The following WWOX variants were observed in gnomAD, a reference collection of about 807,000 sequenced individuals.
WWOX encodes the protein WW domain containing oxidoreductase.
In WWOX, 69 loss-of-function variants were observed where a neutral mutation model predicts 46.2. The ratio of observed to expected loss-of-function variants is 1.49; its 90% confidence interval spans 1.23 to 1.82. The LOEUF (loss-of-function observed/expected upper bound fraction) is 1.82, where lower values mean the gene tolerates loss of function less well. WWOX is among the 40% of genes most tolerant of loss of function. WWOX has a pLI of 0.00. For missense variants in WWOX, 919 were observed against 542.6 expected (o/e 1.69, Z -6.89); for synonymous variants, 359 against 202.6 (o/e 1.77, Z -6.56).
At chr16:78,902,511 G>C (rs1309730256) in intron 8 of WWOX, among the ~76,000 whole-genome samples, 3 of 152,238 alleles carry the variant, frequency 2.0e-5, no homozygotes, top group South Asian at 2.1e-4. Flanking sequence ...CATCTTGTTA[G>C]ACTGCGGCTT....
intron 8 of WWOX, among the ~76,000 whole-genome samples, chr16:78,488,547 G>C (rs1460254042): frequency 6.6e-6 from 1 of 152,162 alleles, no homozygotes; most frequent in Non-Finnish European, 1.5e-5. Context: ...CAGACTGACT[G>C]CTTTTTGGCC....
intron 5 of WWOX, among the ~76,000 whole-genome samples, chr16:78,381,513 T>C (rs1051883283): frequency 2.0e-5 from 3 of 152,034 alleles, no homozygotes; most frequent in Admixed American, 2.0e-4. Flanking sequence ...GCCTGATGCT[T>C]CACATGTGGG....
chr16:78,922,831 G>C (rs1485939754), intron 8 of WWOX, among the ~76,000 whole-genome samples: 2 of 152,074 alleles, frequency 1.3e-5, no homozygotes, highest in African/African-American at 2.4e-5. Context: ...CCCAGTCCTG[G>C]GCACCATTGC....
chr16:78,985,232 G>A (rs2046761487), intron 8 of WWOX, among the ~76,000 whole-genome samples: 1 of 152,192 alleles, frequency 6.6e-6, no homozygotes, highest in African/African-American at 2.4e-5. Context: ...TGTTGATCAT[G>A]AGGGTTTTAC....
chr16:78,636,393 G>A (rs1011601634), intron 8 of WWOX, among the ~76,000 whole-genome samples: 1 of 152,180 alleles, frequency 6.6e-6, no homozygotes, highest in African/African-American at 2.4e-5. Context: ...GACTTTCAGT[G>A]TTAAAGGAGA....
intron 3 of WWOX, among the ~76,000 whole-genome samples, chr16:78,112,918 C>G (rs1395771342): frequency 6.6e-6 from 1 of 151,988 alleles, no homozygotes; most frequent in Non-Finnish European, 1.5e-5. Flanking sequence ...GTTGCCCAGG[C>G]TGGTCTTGAA....
chr16:78,308,098 C>A (rs2080166976), intron 5 of WWOX, among the ~76,000 whole-genome samples: 1 of 152,140 alleles, frequency 6.6e-6, no homozygotes. Context: ...CCCAGTCAGG[C>A]CTTCATTTTT....
intron 5 of WWOX, among the ~76,000 whole-genome samples, chr16:78,331,212 T>G (rs1224327534): frequency 6.6e-6 from 1 of 152,226 alleles, no homozygotes; most frequent in Non-Finnish European, 1.5e-5. Flanking sequence ...AAATTATCAC[T>G]GAGGGTGTTA....
At chr16:78,919,513 C>CTTTTTTTTTTTTTTTTTT (rs1425717047) in intron 8 of WWOX, among the ~76,000 whole-genome samples, 1 of 113,816 alleles carries the variant, frequency 8.8e-6, no homozygotes. Flanking sequence ...TTTCTTTTAT[C>CTTTTTTTTTTTTTTTTTT]TTTTTGTTTT....
At chr16:78,461,662 A>C (rs561968698) in intron 8 of WWOX, among the ~76,000 whole-genome samples, 6 of 152,328 alleles carry the variant, frequency 3.9e-5, no homozygotes, top group African/African-American at 1.4e-4. Context: ...CTCACAGGTC[A>C]CGCCTGAATA....
At chr16:78,608,708 A>C (rs1195121084) in intron 8 of WWOX, among the ~76,000 whole-genome samples, 1 of 152,158 alleles carries the variant, frequency 6.6e-6, no homozygotes, top group Non-Finnish European at 1.5e-5. Context: ...ACATGACGGG[A>C]CCTTTACAGT....
Position 78,305,382 on chromosome 16 carries a change from A to G in WWOX, c.517-81478A>G, listed in dbSNP as rs376315003. Among the ~76,000 whole-genome samples the G allele has an allele frequency of 4.6e-5, 7 of 152,274 alleles. No individual in the cohort carries two copies. The East Asian group carries it at 9.7e-4, about 21-fold the overall frequency. On this transcript the variant is annotated intron_variant, in intron 5 of 8. Transcript: ENST00000566780. Reference sequence around the variant, plus strand: ...TCACAATAGCCAGGAGGAAAAAGCCATGTAACCTCTGGATGAGTCCCTTGG... The same window carrying G: ...TCACAATAGCCAGGAGGAAAAAGCCGTGTAACCTCTGGATGAGTCCCTTGG...
chr16:79,080,505 C>A (rs887917391), intron 8 of WWOX, among the ~76,000 whole-genome samples: 9 of 152,180 alleles, frequency 5.9e-5, no homozygotes, highest in African/African-American at 2.2e-4. Context: ...CCTCTTTGCA[C>A]GTTGCAGAAG....
At chr16:79,136,249 T>A (rs1475383208) in intron 8 of WWOX, among the ~76,000 whole-genome samples, 2 of 151,180 alleles carry the variant, frequency 1.3e-5, no homozygotes, top group Non-Finnish European at 2.9e-5. Flanking sequence ...TTTTTTTTTT[T>A]AAGACGGAGT....
intron 8 of WWOX, among the ~76,000 whole-genome samples, chr16:78,445,442 A>G (rs1189581833): frequency 1.3e-5 from 2 of 152,162 alleles, no homozygotes; most frequent in African/African-American, 4.8e-5. Flanking sequence ...ATGCTGTACA[A>G]GGTCCCTGTC....
At chr16:78,350,862 A>G (rs1307728477) in intron 5 of WWOX, among the ~76,000 whole-genome samples, 1 of 120,298 alleles carries the variant, frequency 8.3e-6, no homozygotes, top group Non-Finnish European at 2.0e-5. Context: ...TAACCTTTTG[A>G]GGAGCCACCA....
chr16:78,756,756 G>A (rs574977406), intron 8 of WWOX, among the ~76,000 whole-genome samples: 2 of 152,152 alleles, frequency 1.3e-5, no homozygotes, highest in African/African-American at 4.8e-5. Flanking sequence ...CTAAGTTGGG[G>A]AATGTGGCCT....
At chr16:78,265,066 T>C (rs923227195) in intron 5 of WWOX, among the ~76,000 whole-genome samples, 1 of 148,192 alleles carries the variant, frequency 6.7e-6, no homozygotes, top group African/African-American at 2.5e-5. Context: ...AGTGGCACGA[T>C]CTCAGCTCAC....
intron 8 of WWOX, among the ~76,000 whole-genome samples, chr16:78,446,403 C>T (rs74030264): frequency 2.0e-5 from 3 of 152,006 alleles, no homozygotes; most frequent in Non-Finnish European, 4.4e-5. Flanking sequence ...TGCTTTGACA[C>T]GAGATGTTGC....
Sources: allele counts gnomAD v4.1 joint callset (sites outside exome capture counted in the v4.1 genomes callset), GRCh38; gene constraint gnomAD v4.1.1; transcripts MANE v1.5; gene names NCBI Gene and HGNC (gene_info 2026-07-23, HGNC 2026-07-21).